Variants in ASTN2 observed in about 807,000 individuals in gnomAD.
ASTN2 encodes astrotactin-2.
Under a neutral mutation model 139.8 loss-of-function variants are expected in ASTN2, and 54 were observed. The observed-to-expected ratio is 0.39, with a 90% CI of 0.31 to 0.48. The LOEUF is 0.48. Ranked by LOEUF, ASTN2 falls within the 20% of genes least tolerant of loss-of-function variation. ASTN2 has a pLI of 0.95. For synonymous variants in ASTN2, 756 were observed against 719.5 expected (o/e 1.05, Z -0.81); for missense variants, 1,565 against 1,725.1 (o/e 0.91, Z 1.64).
chr9:117,054,645 A>C (rs1839005583), intron 5 of ASTN2, among the ~76,000 whole-genome samples: 1 of 152,232 alleles, frequency 6.6e-6, no homozygotes, highest in African/African-American at 2.4e-5. Context: ...GTTCAGCAGA[A>C]GGAAACAGCA....
At chr9:116,986,397 TA>T (rs1396856786) in intron 7 of ASTN2, among the ~76,000 whole-genome samples, 1 of 152,250 alleles carries the variant, frequency 6.6e-6, no homozygotes, top group Admixed American at 6.5e-5. Context: ...CTATTTTTTC[TA>T]CCTTCAAGCA....
chr9:116,680,524 T>C (rs911520138), intron 16 of ASTN2, among the ~76,000 whole-genome samples: 24 of 152,204 alleles, frequency 1.6e-4, no homozygotes, highest in African/African-American at 5.3e-4. Context: ...ACTCATTTTA[T>C]GAGGCCAGCA....
intron 11 of ASTN2, among the ~76,000 whole-genome samples, chr9:116,847,112 GGTTTT>G (rs911628266): frequency 2.0e-5 from 3 of 151,532 alleles, no homozygotes; most frequent in Admixed American, 6.6e-5. Flanking sequence ...TAGTTCTCAA[GGTTTT>G]GTTTTGTTTT....
intron 2 of ASTN2, among the ~76,000 whole-genome samples, chr9:117,233,445 T>C (rs1434910663): frequency 1.3e-5 from 2 of 152,186 alleles, no homozygotes; most frequent in African/African-American, 4.8e-5. Flanking sequence ...GGAGAATCAA[T>C]GAAATGATGC....
chr9:117,167,304 T>G (rs1252986209), intron 3 of ASTN2, among the ~76,000 whole-genome samples: 3 of 152,142 alleles, frequency 2.0e-5, no homozygotes, highest in African/African-American at 7.2e-5. Flanking sequence ...AATTGCTAAA[T>G]TTTTGTGACT....
At chr9:117,049,115 G>A (rs982780958) in intron 5 of ASTN2, among the ~76,000 whole-genome samples, 1 of 151,808 alleles carries the variant, frequency 6.6e-6, no homozygotes, top group Non-Finnish European at 1.5e-5. Flanking sequence ...TTATAGGCAT[G>A]CGCCACTGTG....
intron 20 of ASTN2, among the ~76,000 whole-genome samples, chr9:116,446,632 A>C (rs920585195): frequency 2.0e-5 from 3 of 152,162 alleles, no homozygotes; most frequent in South Asian, 2.1e-4. Flanking sequence ...TTCATTATGA[A>C]AGAGGCGGCT....
At chr9:117,065,358 A>C (rs1288170916) in intron 5 of ASTN2, among the ~76,000 whole-genome samples, 1 of 152,142 alleles carries the variant, frequency 6.6e-6, no homozygotes, top group African/African-American at 2.4e-5. Flanking sequence ...CTTTCCTCAC[A>C]TCCTGCACAT....
intron 17 of ASTN2, among the ~76,000 whole-genome samples, chr9:116,642,647 C>G (rs1857398859): frequency 6.6e-6 from 1 of 152,110 alleles, no homozygotes; most frequent in African/African-American, 2.4e-5. Flanking sequence ...ATGTATAATT[C>G]TGCAAAAACT....
At chr9:116,767,358 AG>A (rs1463255968) in intron 13 of ASTN2, among the ~76,000 whole-genome samples, 1 of 152,182 alleles carries the variant, frequency 6.6e-6, no homozygotes, top group African/African-American at 2.4e-5. Context: ...GGGAGAGACG[AG>A]GGTGATTGTT....
At chr9:117,249,271 C>G (rs1006518467) in intron 2 of ASTN2, among the ~76,000 whole-genome samples, 9 of 152,126 alleles carry the variant, frequency 5.9e-5, no homozygotes, top group African/African-American at 1.9e-4. Flanking sequence ...TCTGTTCTCC[C>G]CAGTCTTAAA....
chr9:117,242,751 TA>T (rs1387383365), intron 2 of ASTN2, among the ~76,000 whole-genome samples: 1 of 152,208 alleles, frequency 6.6e-6, no homozygotes, highest in Non-Finnish European at 1.5e-5. Context: ...AGTCCCTTGA[TA>T]CATATTATGT....
intron 1 of ASTN2, among the ~76,000 whole-genome samples, chr9:117,356,797 C>T (rs1829550824): frequency 6.6e-6 from 1 of 152,166 alleles, no homozygotes; most frequent in Non-Finnish European, 1.5e-5. Flanking sequence ...AGTGCAGTGG[C>T]TCACGCCTGT....
At chr9:116,586,006 T>A (rs981113505) in intron 19 of ASTN2, 12 of 152,086 alleles carry the variant, frequency 7.9e-5, no homozygotes, top group African/African-American at 2.9e-4. Context: ...CAGACACTTC[T>A]GAAAAGAAGA....
intron 2 of ASTN2, among the ~76,000 whole-genome samples, chr9:117,283,260 C>T (rs762632514): frequency 7.2e-5 from 11 of 152,174 alleles, no homozygotes; most frequent in Non-Finnish European, 1.6e-4. Context: ...GAAGCTATGG[C>T]TTATTTTCCT....
At position 117,377,496 on chromosome 9, in the gene ASTN2, A is replaced by T. The variant is rs148688087; in HGVS notation, c.442+37001T>A. Among the ~76,000 whole-genome samples, 221 of 152,310 alleles carry T rather than the reference A, an allele frequency of 1.5e-3. 2 individuals carry two copies. Among genetic ancestry groups the T allele is most frequent in the African/African-American group, 4.9e-3 (203 of 41,560 alleles). On this transcript the variant is annotated intron_variant, in intron 1 of 22. Coordinates refer to ENST00000313400, the MANE Select transcript of ASTN2 (RefSeq NM_001365068.1). ...TCCCATGCATTTGTTGCCATATCTA[A>T]AATTACACCTTGACTCTCTGAGTGT...
chr9:117,220,341 T>C (rs955059725), intron 2 of ASTN2, among the ~76,000 whole-genome samples: 7 of 152,120 alleles, frequency 4.6e-5, no homozygotes, highest in Non-Finnish European at 1.0e-4. Flanking sequence ...GGAGTCACCC[T>C]GGGCAGTTGG....
rs889761661 is a variant in ASTN2, at chr9:116,703,701, A to G, written c.2806+22070T>C. Among the ~76,000 whole-genome samples the G allele has an allele frequency of 4.1e-5, 6 of 145,912 alleles. No homozygotes were observed. The South Asian group carries it at 6.5e-4, about 16-fold the overall frequency. On this transcript the variant is annotated intron_variant, in intron 16 of 22. Transcript: ENST00000313400. ...TGTAACTAACCTGCACAATGTGCAC[A>G]TGTACCCTAAAACTTAAAGTATAAT... is the stretch of plus-strand genomic sequence containing the variant.
chr9:117,148,289 G>A (rs559243231), intron 3 of ASTN2, among the ~76,000 whole-genome samples: 1 of 152,156 alleles, frequency 6.6e-6, no homozygotes, highest in African/African-American at 2.4e-5. Flanking sequence ...AGGGTTCTTG[G>A]GACGATTAAA....
Sources: allele counts gnomAD v4.1 joint callset (sites outside exome capture counted in the v4.1 genomes callset), GRCh38; gene constraint gnomAD v4.1.1; transcripts MANE v1.5; gene names NCBI Gene and HGNC (gene_info 2026-07-23, HGNC 2026-07-21).